Variants in PDE4B observed in about 807,000 individuals in gnomAD.
PDE4B encodes phosphodiesterase 4B.
PDE4B carries 20 observed loss-of-function variants against 82.2 expected under a neutral mutation model. That is an observed-to-expected ratio of 0.24 (90% confidence interval 0.17 to 0.35). PDE4B has a LOEUF of 0.35. Among genes scored for constraint, PDE4B ranks in the 10% least tolerant of loss-of-function variants. The pLI is 1.00. For missense variants in PDE4B, 655 were observed against 907.2 expected, an observed-to-expected ratio of 0.72 and a Z score of 3.57; for synonymous variants, 320 against 318.9, an observed-to-expected ratio of 1.00 and a Z score of -0.04.
At chr1:65,902,008 A>T (rs1392916999) in intron 1 of PDE4B, among the ~76,000 whole-genome samples, 2 of 151,916 alleles carry the variant, frequency 1.3e-5, no homozygotes, top group Non-Finnish European at 2.9e-5. Context: ...ATTTCAAGAA[A>T]TTTTTTTACT....
chr1:65,918,016 T>C (rs1647182266), intron 2 of PDE4B, among the ~76,000 whole-genome samples: 1 of 152,050 alleles, frequency 6.6e-6, no homozygotes, highest in South Asian at 2.1e-4. Context: ...ATACAAAAAT[T>C]AGCCGGGCGT....
At chr1:66,269,847 A>G (rs1655334608) in intron 7 of PDE4B, among the ~76,000 whole-genome samples, 1 of 152,218 alleles carries the variant, frequency 6.6e-6, no homozygotes, top group African/African-American at 2.4e-5. Flanking sequence ...AATGGCTAGC[A>G]CATCCGAGTC....
At chr1:65,840,456 C>A (rs1646194284) in intron 1 of PDE4B, among the ~76,000 whole-genome samples, 1 of 152,048 alleles carries the variant, frequency 6.6e-6, no homozygotes, top group African/African-American at 2.4e-5. Flanking sequence ...TGAGTAGTTA[C>A]AATTTTATTA....
chr1:65,919,152 C>T (rs1200789080), intron 3 of PDE4B, among the ~76,000 whole-genome samples: 1 of 152,158 alleles, frequency 6.6e-6, no homozygotes, highest in African/African-American at 2.4e-5. Flanking sequence ...CAGTGTGCAT[C>T]AGTATTTTTT....
intron 3 of PDE4B, among the ~76,000 whole-genome samples, chr1:65,972,724 C>T (rs1471742005): frequency 6.6e-6 from 1 of 152,136 alleles, no homozygotes; most frequent in Non-Finnish European, 1.5e-5. Flanking sequence ...AGTGTTTCTG[C>T]ATAACTATTT....
intron 1 of PDE4B, among the ~76,000 whole-genome samples, chr1:65,815,614 T>G (rs899633529): frequency 3.3e-5 from 5 of 152,150 alleles, no homozygotes; most frequent in African/African-American, 1.2e-4. Flanking sequence ...AAAAAGTTTA[T>G]TTTTAAAAAA....
chr1:65,959,625 A>T (rs1649447256), intron 3 of PDE4B, among the ~76,000 whole-genome samples: 1 of 151,988 alleles, frequency 6.6e-6, no homozygotes, highest in Admixed American at 6.6e-5. Flanking sequence ...TTTTTATAAC[A>T]TCATCCTGTA....
intron 7 of PDE4B, among the ~76,000 whole-genome samples, chr1:66,275,783 G>C (rs568102354): frequency 6.6e-5 from 10 of 152,264 alleles, no homozygotes; most frequent in Admixed American, 5.9e-4. Context: ...CAAGAGGAGG[G>C]AAACAAAGCA....
chr1:65,824,643 A>G (rs544851352), intron 1 of PDE4B, among the ~76,000 whole-genome samples: 25 of 149,710 alleles, frequency 1.7e-4, no homozygotes, highest in Non-Finnish European at 3.7e-4. Context: ...ATTTATATAT[A>G]TACAAATATA....
intron 3 of PDE4B, among the ~76,000 whole-genome samples, chr1:65,989,632 G>C (rs901677651): frequency 6.6e-6 from 1 of 152,022 alleles, no homozygotes; most frequent in African/African-American, 2.4e-5. Context: ...TCCTTCTGAG[G>C]TGCCAAGGGC....
At chr1:65,865,234 A>G (rs1646497691) in intron 1 of PDE4B, among the ~76,000 whole-genome samples, 1 of 152,142 alleles carries the variant, frequency 6.6e-6, no homozygotes, top group Non-Finnish European at 1.5e-5. Flanking sequence ...TCCCCACACC[A>G]AGCTCTATGG....
chr1:66,210,614 AAAAAAGAAAAAGG>A (rs1639548680), intron 3 of PDE4B, among the ~76,000 whole-genome samples: 1 of 148,950 alleles, frequency 6.7e-6, no homozygotes, highest in Admixed American at 6.7e-5. Flanking sequence ...AAAAAAAAAA[AAAAAAGAAAAAGG>A]AAAAAAAGAA....
chr1:66,214,935 G>T (rs1486245326), intron 3 of PDE4B, among the ~76,000 whole-genome samples: 2 of 152,156 alleles, frequency 1.3e-5, no homozygotes, highest in East Asian at 1.9e-4. Flanking sequence ...AGAGAGTCAG[G>T]AATTAGACAG....
intron 3 of PDE4B, among the ~76,000 whole-genome samples, chr1:65,927,297 AG>A (rs1021465723): frequency 6.6e-6 from 1 of 151,466 alleles, no homozygotes; most frequent in African/African-American, 2.4e-5. Context: ...GTTATAGTAT[AG>A]GGGTAAGGGA....
intron 3 of PDE4B, among the ~76,000 whole-genome samples, chr1:66,101,460 C>A (rs190589009): frequency 7.8e-4 from 119 of 152,290 alleles, no homozygotes; most frequent in Non-Finnish European, 1.0e-3. Flanking sequence ...TGTGTAAAAG[C>A]ATTCCTATCT....
chr1:65,911,661 G>A (rs1277505610), intron 1 of PDE4B, among the ~76,000 whole-genome samples: 4 of 152,040 alleles, frequency 2.6e-5, no homozygotes, highest in African/African-American at 9.7e-5. Flanking sequence ...GCCTGCTGCT[G>A]TTTGGTCAGC....
At chr1:66,214,281 A>C (rs1250745708) in intron 3 of PDE4B, among the ~76,000 whole-genome samples, 1 of 152,210 alleles carries the variant, frequency 6.6e-6, no homozygotes, top group Non-Finnish European at 1.5e-5. Context: ...TTTAAGCAAA[A>C]GGAAAGATCA....
At chr1:66,346,805 A>G (rs1661428810) in intron 8 of PDE4B, among the ~76,000 whole-genome samples, 1 of 152,186 alleles carries the variant, frequency 6.6e-6, no homozygotes, top group Non-Finnish European at 1.5e-5. Flanking sequence ...AAATTTACAG[A>G]TAAAACCTAG....
At chr1:66,279,483 G>C (rs1656131713) in intron 7 of PDE4B, among the ~76,000 whole-genome samples, 1 of 152,138 alleles carries the variant, frequency 6.6e-6, no homozygotes, top group Non-Finnish European at 1.5e-5. Flanking sequence ...AAATTAGCCA[G>C]ATGTGGTGGC....
Sources: allele counts gnomAD v4.1 joint callset (sites outside exome capture counted in the v4.1 genomes callset), GRCh38; gene constraint gnomAD v4.1.1; transcripts MANE v1.5; gene names NCBI Gene and HGNC (gene_info 2026-07-23, HGNC 2026-07-21).